The following UNC13B variants were observed in gnomAD, a reference collection of about 807,000 sequenced individuals.
UNC13B encodes the protein protein unc-13 homolog B.
In UNC13B, 144 loss-of-function variants were observed where a neutral mutation model predicts 211.0. The ratio of observed to expected loss-of-function variants is 0.68; its 90% CI spans 0.60 to 0.78. UNC13B has a LOEUF of 0.78. Ranked by LOEUF, UNC13B falls within the 30% of genes least tolerant of loss-of-function variation. The pLI is 0.00. For missense variants in UNC13B, 1,777 were observed against 2,002.0 expected, an observed-to-expected ratio of 0.89 and a Z score of 2.14; for synonymous variants, 709 against 725.8, an observed-to-expected ratio of 0.98 and a Z score of 0.37.
chr9:35,374,979 C>T, intron 13 of UNC13B, 148 bp from the exon 14 acceptor site: 1 of 786,014 alleles, frequency 1.3e-6, no homozygotes, highest in Non-Finnish European at 2.2e-6. Context: ...CACTTGTCAC[C>T]TGTTAGGGCG....
At chr9:35,272,605 A>G (rs1252832328) in intron 7 of UNC13B, among the ~76,000 whole-genome samples, 1 of 152,144 alleles carries the variant, frequency 6.6e-6, no homozygotes, top group Non-Finnish European at 1.5e-5. Flanking sequence ...GATTTCCTCC[A>G]AAGAACATGC....
At chr9:35,215,183 A>T (rs1171628360) in intron 1 of UNC13B, among the ~76,000 whole-genome samples, 1 of 152,212 alleles carries the variant, frequency 6.6e-6, no homozygotes, top group Non-Finnish European at 1.5e-5. Context: ...GGGTGGGAGG[A>T]TCACTTGAGG....
intron 1 of UNC13B, among the ~76,000 whole-genome samples, chr9:35,186,927 T>C (rs1822393415): frequency 6.6e-6 from 1 of 152,068 alleles, no homozygotes; most frequent in Non-Finnish European, 1.5e-5. Context: ...AGCCAGGGTG[T>C]GACATATTAC....
chr9:35,334,024 G>A (rs1302830947), intron 11 of UNC13B, among the ~76,000 whole-genome samples: 1 of 151,684 alleles, frequency 6.6e-6, no homozygotes, highest in Non-Finnish European at 1.5e-5. Context: ...GGAGTGCAGT[G>A]GTGTGATCTT....
rs10972394 is a variant in UNC13B, at chr9:35,237,973, C to T, written c.394+147C>T. ...ATTCACTCTCTTTCTCATAACACTT[C>T]ACCCAGGGAATGGTGCAAAGTAGAA... On this transcript the variant is annotated intron_variant, in intron 5 of 39. Coordinates refer to ENST00000635942, the MANE Select transcript of UNC13B (RefSeq NM_001371189.2). 0.014 allele frequency: 11,731 copies of T among 844,292 alleles called. 580 individuals carry two copies. In the East Asian group the frequency reaches 0.15, roughly 11 times the overall value. The allele number at this position is 844,292 out of a possible 1,614,324, so 52.3% of individuals were successfully genotyped here. A position where few individuals can be genotyped will look rare whatever the true frequency, so the allele number is the denominator to read the frequency against.
At chr9:35,283,286 G>T (rs1278732519) in intron 7 of UNC13B, among the ~76,000 whole-genome samples, 1 of 152,040 alleles carries the variant, frequency 6.6e-6, no homozygotes, top group Non-Finnish European at 1.5e-5. Context: ...ATGCTTATCT[G>T]TGTATCCATA....
intron 7 of UNC13B, among the ~76,000 whole-genome samples, chr9:35,281,326 G>T (rs1033168348): frequency 4.0e-5 from 6 of 150,814 alleles, no homozygotes; most frequent in Non-Finnish European, 7.4e-5. Context: ...AGAGGTAGGA[G>T]AATTGCTTGA....
At chr9:35,266,326 C>G (rs1257467224) in intron 7 of UNC13B, among the ~76,000 whole-genome samples, 2 of 152,218 alleles carry the variant, frequency 1.3e-5, no homozygotes, top group Non-Finnish European at 2.9e-5. Context: ...GATCAATCCT[C>G]TGCGGCCATT....
rs574985508 is a variant in UNC13B at position 35,380,996 on chromosome 9, TTTCCTTGGGTTGGCCCCTTCTC to T, written c.10376-92_10376-71del. The T allele has an allele frequency of 5.8e-5, 66 of 1,146,128 alleles. No homozygotes were observed. The African/African-American group carries it at 7.5e-4, about 13-fold the overall frequency. 71.0% of individuals were successfully genotyped at this position (1,146,128 alleles called of 1,614,324 possible). ...GTGAGTCCTTGGGTTGGCCCCTTCT[TTTCCTTGGGTTGGCCCCTTCTC>T]TTCCTTGGGTTAAGCCAGAATGGAA... On this transcript the variant is annotated intron_variant, in intron 18 of 39. Coordinates refer to ENST00000635942, the MANE Select transcript of UNC13B (RefSeq NM_001371189.2).
intron 1 of UNC13B, among the ~76,000 whole-genome samples, chr9:35,163,318 ATTG>A (rs1554680893): frequency 1.3e-5 from 2 of 152,290 alleles, no homozygotes; most frequent in African/African-American, 2.4e-5. Context: ...GATTAGAAGC[ATTG>A]TTGTTGTTTG....
chr9:35,334,729 G>A (rs918134021), intron 11 of UNC13B, among the ~76,000 whole-genome samples: 5 of 152,200 alleles, frequency 3.3e-5, no homozygotes, highest in African/African-American at 2.4e-5. Flanking sequence ...AAAGATTTAT[G>A]GAATGAACAC....
chr9:35,389,745 A>C, intron 24 of UNC13B, 101 bp from the exon 25 acceptor site: 1 of 1,279,696 alleles, frequency 7.8e-7, no homozygotes, highest in Non-Finnish European at 1.1e-6. Context: ...TTCTAGAGGA[A>C]GAGGTATAGG....
At chr9:35,297,645 G>T (rs1224638019) in intron 8 of UNC13B, among the ~76,000 whole-genome samples, 2 of 147,150 alleles carry the variant, frequency 1.4e-5, no homozygotes, top group African/African-American at 5.2e-5. Flanking sequence ...CGCCTCCCGG[G>T]TTCACGCCAT....
intron 11 of UNC13B, among the ~76,000 whole-genome samples, chr9:35,358,080 G>A (rs1490547859): frequency 2.0e-5 from 3 of 152,162 alleles, no homozygotes; most frequent in Admixed American, 6.5e-5. Flanking sequence ...TCCACTTAGC[G>A]TAATGTCCTC....
chr9:35,335,742 T>G (rs1831617381), intron 11 of UNC13B, among the ~76,000 whole-genome samples: 1 of 150,598 alleles, frequency 6.6e-6, no homozygotes, highest in African/African-American at 2.4e-5. Context: ...CAAGCTGGAG[T>G]GCAGTGGCAC....
intron 1 of UNC13B, among the ~76,000 whole-genome samples, chr9:35,200,914 A>G (rs1370306337): frequency 2.0e-5 from 3 of 152,198 alleles, no homozygotes; most frequent in Non-Finnish European, 4.4e-5. Flanking sequence ...GTCTTGTGCC[A>G]GTTTTCAAAG....
intron 3 of UNC13B, among the ~76,000 whole-genome samples, chr9:35,231,743 A>C (rs1825214752): frequency 6.6e-6 from 1 of 152,202 alleles, no homozygotes; most frequent in Non-Finnish European, 1.5e-5. Context: ...AATTAAAATG[A>C]ATAAATATTA....
At chr9:35,353,521 A>G (rs1044833215) in intron 11 of UNC13B, 59 of 1,232,004 alleles carry the variant, frequency 4.8e-5, no homozygotes, top group Non-Finnish European at 5.9e-5. Flanking sequence ...GCGTCTCCAC[A>G]CAGGGAGAGC....
intron 7 of UNC13B, among the ~76,000 whole-genome samples, chr9:35,265,493 A>T (rs1258220952): frequency 6.6e-6 from 1 of 152,180 alleles, no homozygotes; most frequent in African/African-American, 2.4e-5. Flanking sequence ...AGCCTATGGT[A>T]TTTTGTTATG....
Sources: allele counts gnomAD v4.1 joint callset (sites outside exome capture counted in the v4.1 genomes callset), GRCh38; gene constraint gnomAD v4.1.1; transcripts MANE v1.5; gene names NCBI Gene and HGNC (gene_info 2026-07-23, HGNC 2026-07-21).